SEC23A: variants seen among roughly 807,000 people sequenced by gnomAD.
SEC23A encodes protein transport protein Sec23A.
Under a neutral mutation model 103.7 loss-of-function variants are expected in SEC23A, and 56 were observed. That is an observed-to-expected ratio of 0.54 (90% CI 0.44 to 0.67). The LOEUF is 0.67. Among genes scored for constraint, SEC23A ranks in the 30% least tolerant of loss-of-function variants. The pLI is 0.00. For synonymous variants in SEC23A, 281 were observed against 293.0 expected (o/e 0.96, Z 0.42); for missense variants, 784 against 936.4 (o/e 0.84, Z 2.12).
chr14:39,045,579 C>T (rs1885801956), intron 15 of SEC23A, among the ~76,000 whole-genome samples: 1 of 151,904 alleles, frequency 6.6e-6, no homozygotes, highest in Non-Finnish European at 1.5e-5. Context: ...AAAAGGATGG[C>T]TGGGCATGGT....
At chr14:39,053,515 GT>G (rs1268322979) in intron 14 of SEC23A, among the ~76,000 whole-genome samples, 5 of 143,356 alleles carry the variant, frequency 3.5e-5, no homozygotes, top group South Asian at 4.5e-4. Flanking sequence ...AATCTTTCTT[GT>G]TTTTTTTTTT....
intron 2 of SEC23A, among the ~76,000 whole-genome samples, chr14:39,095,351 C>A (rs962739915): frequency 6.6e-6 from 1 of 150,852 alleles, no homozygotes; most frequent in Non-Finnish European, 1.5e-5. Flanking sequence ...AGTTGGAGTA[C>A]AGAGGCACGA....
Position 39,073,125 on chromosome 14 carries a change from G to T in SEC23A, c.1103+1290C>A, listed in dbSNP as rs913805832. Among the ~76,000 whole-genome samples, 3 of 152,100 alleles carry T rather than the reference G, an allele frequency of 2.0e-5. 1 individual carries two copies. Among genetic ancestry groups the T allele is most frequent in the Admixed American group, 2.0e-4 (3 of 15,272 alleles). Reference sequence around the variant, plus strand: ...CTGATGGATTCCTAAACAAAATGTGGTGTATCCATCAAATGGAATACTATT... The same window carrying T: ...CTGATGGATTCCTAAACAAAATGTGTTGTATCCATCAAATGGAATACTATT... On this transcript the variant is annotated intron_variant, in intron 9 of 19. Coordinates refer to ENST00000307712, the MANE Select transcript of SEC23A (RefSeq NM_006364.4).
At chr14:39,082,231 T>G (rs1397629503) in intron 7 of SEC23A, among the ~76,000 whole-genome samples, 1 of 151,606 alleles carries the variant, frequency 6.6e-6, no homozygotes, top group Non-Finnish European at 1.5e-5. Context: ...GTATTCTGTA[T>G]GTATTTACAT....
chr14:39,057,843 T>C (rs762565743), intron 13 of SEC23A, among the ~76,000 whole-genome samples: 31 of 152,244 alleles, frequency 2.0e-4, no homozygotes, highest in Admixed American at 4.6e-4. Flanking sequence ...TTTATTCCAC[T>C]GGAAAATGAA....
rs1174964460 is a variant in SEC23A at position 39,094,426 on chromosome 14, ATATATATATATATATAT to A, written c.222-1199_222-1183del. On this transcript the variant is annotated intron_variant, in intron 2 of 19. Coordinates refer to ENST00000307712, the MANE Select transcript of SEC23A (RefSeq NM_006364.4). ...TATATATATATATATATATATATAT[ATATATATATATATATAT>A]TTTTTTTTTTTTTTTTTCCCCTCCT... Among the ~76,000 whole-genome samples, 200 of 49,676 alleles carry A rather than the reference ATATATATATATATATAT, an allele frequency of 4.0e-3. 30 individuals are homozygous for A. Among genetic ancestry groups the A allele is most frequent in the Middle Eastern group, 0.027 (2 of 74 alleles). 32.6% of individuals were successfully genotyped at this position (49,676 alleles called of 152,430 possible).
intron 1 of SEC23A, among the ~76,000 whole-genome samples, chr14:39,100,864 G>C (rs1039769829): frequency 1.0e-4 from 15 of 150,050 alleles, no homozygotes; most frequent in Non-Finnish European, 1.8e-4. Flanking sequence ...TTTTTTTTGA[G>C]ATGGAGTCTC....
rs1013228767 is a variant in SEC23A, at chr14:39,032,135, C to G, written c.*1104G>C. The G allele has an allele frequency of 1.3e-5, 2 of 152,572 alleles. No homozygotes were observed. The highest frequency in any genetic ancestry group is 1.3e-4 in the Admixed American group (2 of 15,266). The allele number at this position is 152,572 out of a possible 1,614,324, so 9.5% of individuals were successfully genotyped here. On this transcript the variant is annotated 3_prime_UTR_variant, in exon 20 of 20. Coordinates refer to ENST00000307712, the MANE Select transcript of SEC23A (RefSeq NM_006364.4). The stretch of plus-strand genomic sequence containing the variant: ...ATAGCACCACCTTTTATTTGCAGTA[C>G]TTGATATGTAAATTTCATTGTCAAA...
chr14:39,066,810 A>G (rs1230805999), intron 10 of SEC23A, among the ~76,000 whole-genome samples: 10 of 152,150 alleles, frequency 6.6e-5, no homozygotes, highest in Admixed American at 6.5e-4. Flanking sequence ...CTGCAGTGAG[A>G]CAACATCATG....
intron 1 of SEC23A, among the ~76,000 whole-genome samples, chr14:39,100,357 T>A (rs1888039821): frequency 6.6e-6 from 1 of 152,106 alleles, no homozygotes; most frequent in Non-Finnish European, 1.5e-5. Context: ...TTTGCCAGGC[T>A]TAGTCCCATG....
rs751758051 is a variant in SEC23A, at chr14:39,045,187, C to T, written c.1875G>A (p.Ala625=). 46 of 1,613,218 alleles carry T rather than the reference C, an allele frequency of 2.9e-5. No homozygotes were observed. Among genetic ancestry groups the T allele is most frequent in the African/African-American group, 2.5e-4 (19 of 74,804 alleles). ...CCTCTGGTGGTCCACTAAAAGAATA[C>T]GCATACAGGATAGGCTGAATCATAA... is the stretch of plus-strand genomic sequence containing the variant. ...SLIMIQPILY[A]YSFSGPPEPV... Residue 625 remains alanine, a synonymous_variant, in exon 16 of 20, where the codon GCG becomes GCA. Transcript: ENST00000307712.
chr14:39,038,665 T>G (rs1402561350), intron 19 of SEC23A, among the ~76,000 whole-genome samples: 1 of 152,200 alleles, frequency 6.6e-6, no homozygotes, highest in Non-Finnish European at 1.5e-5. Context: ...CAAATTAAAC[T>G]ATATCAATAA....
chr14:39,085,209 T>G (rs533827994), intron 7 of SEC23A, among the ~76,000 whole-genome samples: 13 of 152,332 alleles, frequency 8.5e-5, no homozygotes, highest in Non-Finnish European at 1.8e-4. Flanking sequence ...TGGAGGTTCC[T>G]GGAGGGTGGT....
At chr14:39,069,099 C>A (rs558707376) in intron 9 of SEC23A, among the ~76,000 whole-genome samples, 1 of 152,212 alleles carries the variant, frequency 6.6e-6, no homozygotes, top group Admixed American at 6.5e-5. Flanking sequence ...ATTTATACCA[C>A]CCCATTTCTC....
At chr14:39,064,152 T>C (rs2139230538) in intron 11 of SEC23A, among the ~76,000 whole-genome samples, 1 of 152,238 alleles carries the variant, frequency 6.6e-6, no homozygotes, top group Middle Eastern at 3.4e-3. Flanking sequence ...ATGAGAATTG[T>C]TAAGCACTCT....
At chr14:39,084,952 T>C (rs1295102876) in intron 7 of SEC23A, among the ~76,000 whole-genome samples, 1 of 152,190 alleles carries the variant, frequency 6.6e-6, no homozygotes, top group Admixed American at 6.5e-5. Context: ...ATTACAGGCA[T>C]GAGGTGCCCA....
At chr14:39,059,278 TAAAAAAAAAAAAAAAAAA>T (rs750853379) in intron 13 of SEC23A, among the ~76,000 whole-genome samples, 12 of 71,828 alleles carry the variant, frequency 1.7e-4, no homozygotes, top group African/African-American at 3.6e-4. Context: ...AGTCCTAGTT[TAAAAAAAAAAAAAAAAAA>T]AAAAAAAAAA....
At position 39,095,863 on chromosome 14, in the gene SEC23A, A is replaced by G. The variant is rs371109604; in HGVS notation, c.221+35T>C. ...AAAAACCCCGACATTTTAAAATCAC[A>G]TTGCCACATTAGTTTTTCTATATAT... On this transcript the variant is annotated intron_variant, in intron 2 of 19. Coordinates refer to ENST00000307712, the MANE Select transcript of SEC23A (RefSeq NM_006364.4). The G allele has an allele frequency of 2.1e-4, 300 of 1,434,030 alleles. 1 individual carries two copies. The highest frequency in any genetic ancestry group is 2.7e-4 in the Non-Finnish European group (271 of 1,017,354). The allele number at this position is 1,434,030 out of a possible 1,614,324, so 88.8% of individuals were successfully genotyped here. A position where few individuals can be genotyped will look rare whatever the true frequency, so the allele number is the denominator to read the frequency against.
intron 7 of SEC23A, among the ~76,000 whole-genome samples, chr14:39,082,020 G>C (rs1369037273): frequency 6.6e-6 from 1 of 152,046 alleles, no homozygotes; most frequent in Non-Finnish European, 1.5e-5. Context: ...AGCAGGAAAA[G>C]GATAAGATGA....
Sources: allele counts gnomAD v4.1 joint callset (sites outside exome capture counted in the v4.1 genomes callset), GRCh38; gene constraint gnomAD v4.1.1; transcripts MANE v1.5; gene names NCBI Gene and HGNC (gene_info 2026-07-23, HGNC 2026-07-21).